ANKRD42: variants seen among roughly 807,000 people sequenced by gnomAD.
The protein encoded by ANKRD42 is ankyrin repeat domain 42.
A neutral mutation model predicts 51.5 loss-of-function variants in ANKRD42; 43 were observed. The observed-to-expected ratio is 0.83, with a 90% CI of 0.65 to 1.08. ANKRD42 has a LOEUF of 1.08. Ranked by LOEUF, ANKRD42 falls within the 50% of genes least tolerant of loss-of-function variation. The pLI, the probability that ANKRD42 is intolerant of heterozygous loss-of-function variation, is 0.00. For synonymous variants in ANKRD42, 203 were observed against 213.0 expected, an observed-to-expected ratio of 0.95 and a Z score of 0.41; for missense variants, 608 against 629.3, an observed-to-expected ratio of 0.97 and a Z score of 0.36.
At chr11:83,210,488 T>TTA in intron 4 of ANKRD42, 69 bp downstream of exon 4, 1 of 1,559,614 alleles carries the variant, frequency 6.4e-7, no homozygotes, top group African/African-American at 1.4e-5. Context: ...GTAGTCTAGT[T>TTA]ATCTCTTCCT....
chr11:83,220,496 A>G (rs1862686352), intron 5 of ANKRD42, among the ~76,000 whole-genome samples: 1 of 152,136 alleles, frequency 6.6e-6, no homozygotes, highest in East Asian at 1.9e-4. Context: ...ATGCCAAAGA[A>G]TTGGTGTGGT....
chr11:83,213,445 A>C (rs1383684425), intron 5 of ANKRD42: 2 of 1,453,668 alleles, frequency 1.4e-6, no homozygotes, highest in Non-Finnish European at 1.8e-6. Flanking sequence ...AAAACTGTAA[A>C]AACTGCAAAG....
At chr11:83,212,503 C>A (rs1862363013) in intron 5 of ANKRD42, 2 of 748,422 alleles carry the variant, frequency 2.7e-6, no homozygotes, top group Admixed American at 2.2e-5. Flanking sequence ...ACTCCACCTT[C>A]TTTAAAAAGT....
chr11:83,227,483 TGAGA>T (rs1199593222), intron 6 of ANKRD42, among the ~76,000 whole-genome samples: 1 of 47,606 alleles, frequency 2.1e-5, no homozygotes, highest in Admixed American at 1.5e-4. Context: ...TGTGGTGATA[TGAGA>T]GAGAAAGAGA....
chr11:83,215,444 A>C lies in ANKRD42; in HGVS notation c.586+4014A>C, dbSNP rs538790185. Among the ~76,000 whole-genome samples the C allele has an allele frequency of 4.6e-5, 7 of 152,060 alleles. No homozygotes were observed. In the South Asian group the frequency reaches 1.5e-3, roughly 32 times the overall value. On this transcript the variant is annotated intron_variant, in intron 5 of 10. Coordinates refer to ENST00000533342, the MANE Select transcript of ANKRD42 (RefSeq NM_001300975.2). Reference sequence around the variant, plus strand: ...TGGAGAGTTAAGTCCATCTACATTCAGTGTTGTTATTGGTAGGTGAAGACT... The same window carrying C: ...TGGAGAGTTAAGTCCATCTACATTCCGTGTTGTTATTGGTAGGTGAAGACT...
At chr11:83,227,144 T>G (rs1410289530) in intron 6 of ANKRD42, among the ~76,000 whole-genome samples, 3 of 152,078 alleles carry the variant, frequency 2.0e-5, no homozygotes, top group East Asian at 3.9e-4. Flanking sequence ...AAGTGTGTCT[T>G]TATTTATTTA....
At chr11:83,209,588 C>T in intron 3 of ANKRD42, 1 of 904,534 alleles carries the variant, frequency 1.1e-6, no homozygotes, top group African/African-American at 1.6e-5. Flanking sequence ...TGAACCAGAA[C>T]CTCACATATT....
intron 7 of ANKRD42, among the ~76,000 whole-genome samples, chr11:83,235,378 C>T (rs1863193697): frequency 6.6e-6 from 1 of 152,168 alleles, no homozygotes; most frequent in Non-Finnish European, 1.5e-5. Context: ...ATACTTATTG[C>T]AGTTTTATAA....
At chr11:83,205,937 T>C in intron 2 of ANKRD42, 121 bp from the exon 3 acceptor site, 1 of 777,112 alleles carries the variant, frequency 1.3e-6, no homozygotes, top group East Asian at 2.7e-5. Flanking sequence ...GCTTTTGTTT[T>C]TCTTATACAT....
At chr11:83,234,986 T>C (rs1391499356) in intron 7 of ANKRD42, among the ~76,000 whole-genome samples, 2 of 152,188 alleles carry the variant, frequency 1.3e-5, no homozygotes, top group Admixed American at 6.5e-5. Context: ...TTGCCAGTAA[T>C]GGAGGTGGGT....
chr11:83,245,739 C>A, intron 10 of ANKRD42, 115 bp downstream of exon 10: 1 of 1,180,382 alleles, frequency 8.5e-7, no homozygotes, highest in Non-Finnish European at 1.1e-6. Flanking sequence ...TAGGTTCCAT[C>A]CTGTTTTTCT....
intron 3 of ANKRD42, 192 bp from the exon 4 acceptor site, chr11:83,210,108 T>TAAAA: frequency 2.4e-6 from 1 of 422,080 alleles, no homozygotes; most frequent in Non-Finnish European, 4.1e-6. Flanking sequence ...TTTTGTAATC[T>TAAAA]AAAAAAAAAA....
At chr11:83,210,873 G>C (rs910583044) in intron 4 of ANKRD42, among the ~76,000 whole-genome samples, 18 of 152,130 alleles carry the variant, frequency 1.2e-4, no homozygotes, top group African/African-American at 4.1e-4. Context: ...AAATAACGTA[G>C]AAGAAGAGAA....
intron 1 of ANKRD42, among the ~76,000 whole-genome samples, chr11:83,196,556 T>C (rs1000897774): frequency 1.3e-4 from 20 of 152,212 alleles, no homozygotes; most frequent in African/African-American, 4.8e-4. Context: ...GGAATCCTTC[T>C]GTGTTCCCCT....
At chr11:83,224,786 A>T in intron 5 of ANKRD42, 69 bp from the exon 6 acceptor site, 1 of 1,257,484 alleles carries the variant, frequency 8.0e-7, no homozygotes, top group South Asian at 1.8e-5. Flanking sequence ...CTTGTCTCTA[A>T]ATACATACAT....
chr11:83,249,037 A>G (rs1241042348), downstream of ANKRD42: 16 of 948,822 alleles, frequency 1.7e-5, no homozygotes, highest in African/African-American at 1.8e-5. Context: ...AAAATTTAGT[A>G]TCAGAGAGGC....
At chr11:83,233,358 C>T (rs1490012928) in intron 7 of ANKRD42, among the ~76,000 whole-genome samples, 1 of 151,784 alleles carries the variant, frequency 6.6e-6, no homozygotes, top group African/African-American at 2.4e-5. Flanking sequence ...CTAGATTTTC[C>T]AATTTATTGG....
chr11:83,208,153 A>G (rs537986575), intron 3 of ANKRD42, among the ~76,000 whole-genome samples: 1 of 151,942 alleles, frequency 6.6e-6, no homozygotes, highest in South Asian at 2.1e-4. Context: ...CCTCCCAAGT[A>G]ACTGAGACCA....
downstream of ANKRD42, among the ~76,000 whole-genome samples, chr11:83,257,767 C>A (rs1216536009): frequency 6.6e-6 from 1 of 152,194 alleles, no homozygotes. Context: ...CCAGTTTTCT[C>A]TAATTTCTTC....
Sources: allele counts gnomAD v4.1 joint callset (sites outside exome capture counted in the v4.1 genomes callset), GRCh38; gene constraint gnomAD v4.1.1; transcripts MANE v1.5; gene names NCBI Gene and HGNC (gene_info 2026-07-23, HGNC 2026-07-21).